CD1C: variants seen among roughly 807,000 people sequenced by gnomAD.
CD1C encodes the protein T-cell surface glycoprotein CD1c.
CD1C carries 47 observed loss-of-function variants against 39.4 expected under a neutral mutation model. The observed-to-expected ratio is 1.19, with a 90% CI of 0.94 to 1.52. The LOEUF (loss-of-function observed/expected upper bound fraction) is 1.52, where lower values mean the gene tolerates loss of function less well. Ranked by LOEUF, CD1C falls within the 40% of genes most tolerant of loss-of-function variation. CD1C has a pLI of 0.00. For synonymous variants in CD1C, 165 were observed against 150.8 expected, an observed-to-expected ratio of 1.09 and a Z score of -0.69; for missense variants, 417 against 395.2, an observed-to-expected ratio of 1.06 and a Z score of -0.47.
rs769114441 is a variant in CD1C, at chr1:158,293,517, C to T, written c.*41C>T. On this transcript the variant is annotated 3_prime_UTR_variant, in exon 6 of 6. Transcript: ENST00000368170. ...CTCCCCCATTGTGTTAAGAACCCAG[C>T]AACCCAGGAGCCTAGTACAATATAG... The T allele has an allele frequency of 6.2e-7, 1 of 1,613,960 alleles. No individual in the cohort carries two copies. The highest frequency in any genetic ancestry group is 8.5e-7 in the Non-Finnish European group (1 of 1,179,846).
At position 158,292,889 on chromosome 1, in the gene CD1C, T is replaced by C. The variant is rs774315129; in HGVS notation, c.889+15T>C. ...CCTCTACTGGGGTAAGACTGGAGGTTGGAAGTGTAGGTAGGTGGTTCTTGA... is the reference window on the plus strand; with the variant it reads ...CCTCTACTGGGGTAAGACTGGAGGTCGGAAGTGTAGGTAGGTGGTTCTTGA... On this transcript the variant is annotated intron_variant, in intron 4 of 5. Coordinates refer to ENST00000368170, the MANE Select transcript of CD1C (RefSeq NM_001765.3). The C allele has an allele frequency of 3.1e-6, 5 of 1,612,464 alleles. No individual in the cohort carries two copies. Among genetic ancestry groups the C allele is most frequent in the Non-Finnish European group, 4.2e-6 (5 of 1,178,884 alleles).
rs536842285 is a variant in CD1C at position 158,292,654 on chromosome 1, G to C, written c.669G>C (p.Leu223=). 6.2e-7 allele frequency: 1 copy of C among 1,613,698 alleles called. No homozygotes were observed. The highest frequency in any genetic ancestry group is 8.5e-7 in the Non-Finnish European group (1 of 1,180,048). Residue 223 remains leucine, a synonymous_variant, in exon 4 of 6, where the codon CTG becomes CTC. Transcript: ENST00000368170. ...GCCTTGGGTCTGGCCAGCTGTTGCTGGTTTGTCATGCCTCCGGCTTCTACC... is the reference window on the plus strand; with the variant it reads ...GCCTTGGGTCTGGCCAGCTGTTGCTCGTTTGTCATGCCTCCGGCTTCTACC... The part of the protein sequence containing the change: ...RPSLGSGQLL[L]VCHASGFYPK...
In CD1C at chr1:158,289,925, ATCT is replaced by A; in HGVS notation, c.-135_-133del. ...GGAGGACCAAGGTTGAGGGAAGCAG[ATCT>A]TCTTAGTTGCTGTCAGCGGCTGATG... On this transcript the variant is annotated 5_prime_UTR_variant, in exon 1 of 6. Coordinates refer to ENST00000368170, the MANE Select transcript of CD1C (RefSeq NM_001765.3). 2.9e-6 allele frequency: 2 copies of A among 684,666 alleles called. No homozygotes were observed. The highest frequency in any genetic ancestry group is 2.7e-5 in the East Asian group (1 of 36,630). The allele number at this position is 684,666 out of a possible 1,614,324, so 42.4% of individuals were successfully genotyped here.
Position 158,293,195 on chromosome 1 carries a change from C to T in CD1C, c.890-17C>T. 1 of 1,587,802 alleles carries T rather than the reference C, an allele frequency of 6.3e-7. No homozygotes were observed. Among genetic ancestry groups the T allele is most frequent in the Non-Finnish European group, 8.6e-7 (1 of 1,160,746 alleles). The stretch of plus-strand genomic sequence containing the variant: ...TGAGTTTAAAATGGCATCCATGTAT[C>T]TTTCCAATATGTGCAGGACACCACT... On this transcript the variant is annotated splice_polypyrimidine_tract_variant and intron_variant, in intron 4 of 5. Transcript: ENST00000368170.
In CD1C at chr1:158,294,726, G is replaced by A. The variant is rs1436422909; in HGVS notation, c.*1250G>A. Among the ~76,000 whole-genome samples the A allele has an allele frequency of 1.3e-5, 2 of 152,100 alleles. No individual in the cohort carries two copies. Among genetic ancestry groups the A allele is most frequent in the Non-Finnish European group, 2.9e-5 (2 of 68,024 alleles). ...CTTTATGTCACTTAAGCTTAAACTT[G>A]TATTTTCTATGATTTTATTAAGATG... is the stretch of plus-strand genomic sequence containing the variant. On this transcript the variant is annotated 3_prime_UTR_variant, in exon 6 of 6. Transcript: ENST00000368170.
At chr1:158,292,462 A>C in intron 3 of CD1C, 97 bp downstream of exon 3, 1 of 1,495,454 alleles carries the variant, frequency 6.7e-7, no homozygotes, top group South Asian at 1.3e-5. Context: ...GAGGACAAGA[A>C]GCAGGGGGGT....
chr1:158,290,961 C>T (rs949869937), intron 1 of CD1C, among the ~76,000 whole-genome samples, 173 bp from the exon 2 acceptor site: 1 of 152,084 alleles, frequency 6.6e-6, no homozygotes, highest in Non-Finnish European at 1.5e-5. Context: ...GTCCAGTTTA[C>T]TCTTTTAGAG....
Position 158,291,284 on chromosome 1 carries a change from G to C in CD1C, c.212G>C (p.Trp71Ser). Residue 71 changes from tryptophan (W) to serine (S), a missense_variant, in exon 2 of 6, where the codon TGG becomes TCG. By Grantham distance (177) the Trp-to-Ser change is radical (BLOSUM62 -3). Transcript: ENST00000368170. ...GGCACAATAATTTTCCTGCATAACT[G>C]GTCCAAGGGCAACTTCAGCAATGAA... ...ESGTIIFLHN[W>S]SKGNFSNEEL... is the part of the protein sequence containing the mutation. The C allele has an allele frequency of 6.2e-7, 1 of 1,614,064 alleles. No homozygotes were observed. The highest frequency in any genetic ancestry group is 8.5e-7 in the Non-Finnish European group (1 of 1,180,016).
chr1:158,290,753 G>T (rs962524077), intron 1 of CD1C, among the ~76,000 whole-genome samples: 1 of 152,176 alleles, frequency 6.6e-6, no homozygotes, highest in Non-Finnish European at 1.5e-5. Context: ...CTGAGAGAAG[G>T]AAACAACTGC....
In CD1C at chr1:158,291,284, G is replaced by T. The variant is rs531110102; in HGVS notation, c.212G>T (p.Trp71Leu). ...GGCACAATAATTTTCCTGCATAACT[G>T]GTCCAAGGGCAACTTCAGCAATGAA... ...ESGTIIFLHNWSKGNFSNEEL... is the reference protein window; with the variant it reads ...ESGTIIFLHNLSKGNFSNEEL... The change falls in exon 2 of 6, where the codon TGG becomes TTG. Residue 71 changes from tryptophan to leucine, a missense_variant. Coordinates refer to ENST00000368170, the MANE Select transcript of CD1C (RefSeq NM_001765.3). 1.5e-5 allele frequency: 24 copies of T among 1,614,064 alleles called. No individual in the cohort carries two copies. Among genetic ancestry groups the T allele is most frequent in the African/African-American group, 1.5e-4 (11 of 75,004 alleles).
intron 1 of CD1C, 115 bp downstream of exon 1, chr1:158,290,240 TC>T: frequency 1.1e-6 from 1 of 878,236 alleles, no homozygotes. Flanking sequence ...CATACCTGTC[TC>T]CAGGTCCAGT....
rs1356311798 is a variant in CD1C, at chr1:158,293,446, C to T, written c.981-9C>T. 1 of 1,613,854 alleles carries T rather than the reference C, an allele frequency of 6.2e-7. No homozygotes were observed. The highest frequency in any genetic ancestry group is 8.5e-7 in the Non-Finnish European group (1 of 1,179,892). ...ATTCAGGGTTTCTCCCATTCCTGTT[C>T]CTTCACAGCTCATATCAGGACATCC... On this transcript the variant is annotated splice_polypyrimidine_tract_variant and intron_variant, in intron 5 of 5. Transcript: ENST00000368170.
chr1:158,292,130 A>G lies in CD1C; in HGVS notation c.375A>G (p.Gly125=). Residue 125 remains glycine (G), a synonymous_variant, in exon 3 of 6, where the codon GGA becomes GGG. Coordinates refer to ENST00000368170, the MANE Select transcript of CD1C (RefSeq NM_001765.3). ...QVKAGCELHS[G]KSPEGFFQVA... ...AAGCGGGCTGTGAGCTGCATTCTGG[A>G]AAGAGCCCAGAAGGCTTCTTTCAGG... is the stretch of plus-strand genomic sequence containing the variant. 1 of 1,614,126 alleles carries G rather than the reference A, an allele frequency of 6.2e-7. No individual in the cohort carries two copies. Among genetic ancestry groups the G allele is most frequent in the Non-Finnish European group, 8.5e-7 (1 of 1,179,998 alleles).
rs770048157 is a variant in CD1C, at chr1:158,292,815, G to A, written c.830G>A (p.Gly277Asp). The A allele has an allele frequency of 9.7e-5, 156 of 1,614,088 alleles. No individual in the cohort carries two copies. The highest frequency in any genetic ancestry group is 3.3e-4 in the Middle Eastern group (2 of 6,080). Reference protein sequence around the residue: ...ILEVASEEPAGLSCRVRHSSL... With the variant: ...ILEVASEEPADLSCRVRHSSL... ...GAGGTGGCATCTGAGGAGCCTGCTG[G>A]CCTGTCTTGTCGAGTGAGACACAGC... Residue 277 changes from glycine to aspartate, a missense_variant, in exon 4 of 6, where the codon GGC (glycine) becomes GAC (aspartate). Coordinates refer to ENST00000368170, the MANE Select transcript of CD1C (RefSeq NM_001765.3).
chr1:158,292,684 G>C lies in CD1C; in HGVS notation c.699G>C (p.Lys233Asn). The change falls in exon 4 of 6, where the codon AAG becomes AAC. Residue 233 changes from lysine to asparagine, a missense_variant. Lys to Asn is a moderately conservative substitution (Grantham distance 94). Coordinates refer to ENST00000368170, the MANE Select transcript of CD1C (RefSeq NM_001765.3). ...LVCHASGFYP[K>N]PVWVTWMRNE... is the part of the protein sequence containing the mutation. ...GTCATGCCTCCGGCTTCTACCCAAA[G>C]CCTGTTTGGGTGACATGGATGCGGA... 6.2e-7 allele frequency: 1 copy of C among 1,614,064 alleles called. No homozygotes were observed. The highest frequency in any genetic ancestry group is 8.5e-7 in the Non-Finnish European group (1 of 1,180,004).
chr1:158,292,573 A>G, intron 3 of CD1C, 23 bp from the exon 4 acceptor site: 1 of 1,606,438 alleles, frequency 6.2e-7, no homozygotes, highest in Non-Finnish European at 8.5e-7. Flanking sequence ...TCTTCATCAG[A>G]ACACTTTTTC....
rs774351498 is a variant in CD1C at position 158,292,908 on chromosome 1, T to A, written c.889+34T>A. ...GGAGGTTGGAAGTGTAGGTAGGTGG[T>A]TCTTGAGCCTAGAGGTTAGGGGAGA... On this transcript the variant is annotated intron_variant, in intron 4 of 5. Transcript: ENST00000368170. 8 of 1,606,984 alleles carry A rather than the reference T, an allele frequency of 5.0e-6. No individual in the cohort carries two copies. In the African/African-American group the frequency reaches 9.4e-5, roughly 19 times the overall value.
At position 158,293,496 on chromosome 1, in the gene CD1C, C is replaced by T. The variant is rs779253409; in HGVS notation, c.*20C>T. ...CTGTGAGACTCTTCCCCCTGACTCC[C>T]CCATTGTGTTAAGAACCCAGCAACC... On this transcript the variant is annotated 3_prime_UTR_variant, in exon 6 of 6. Transcript: ENST00000368170. 8.1e-6 allele frequency: 13 copies of T among 1,614,104 alleles called. No individual in the cohort carries two copies. The Middle Eastern group carries it at 6.6e-4, about 82-fold the overall frequency.
intron 2 of CD1C, 95 bp downstream of exon 2, chr1:158,291,495 A>G: frequency 2.4e-6 from 3 of 1,253,710 alleles, no homozygotes; most frequent in East Asian, 2.3e-5. Flanking sequence ...CCATTATCCC[A>G]TCCCACCATA....
Sources: gnomAD v4.1 joint callset for allele counts (sites outside exome capture counted in the v4.1 genomes callset) on GRCh38, gnomAD v4.1.1 for gene constraint, MANE v1.5 for transcripts, NCBI Gene and HGNC (gene_info 2026-07-23, HGNC 2026-07-21) for gene names.